CORIN: variants seen among roughly 807,000 people sequenced by gnomAD.
The protein encoded by CORIN is corin, serine peptidase.
Under a neutral mutation model 125.3 loss-of-function variants are expected in CORIN, and 117 were observed. That is an observed-to-expected ratio of 0.93 (90% CI 0.80 to 1.09). CORIN has a LOEUF of 1.09. Among genes scored for constraint, CORIN ranks in the 50% least tolerant of loss-of-function variants. The pLI is 0.00. For missense variants in CORIN, 1,253 were observed against 1,306.7 expected (o/e 0.96, Z 0.63); for synonymous variants, 450 against 466.4 (o/e 0.96, Z 0.45).
chr4:47,767,906 T>C (rs1339383932), intron 3 of CORIN, among the ~76,000 whole-genome samples: 1 of 152,110 alleles, frequency 6.6e-6, no homozygotes, highest in African/African-American at 2.4e-5. Context: ...AGCCCAATAA[T>C]GAGAAAGGAT....
intron 5 of CORIN, among the ~76,000 whole-genome samples, chr4:47,733,514 T>C (rs554775715): frequency 1.6e-4 from 25 of 152,310 alleles, no homozygotes; most frequent in African/African-American, 6.0e-4. Context: ...TAAGGTGCTA[T>C]GAAAAGGAAG....
chr4:47,658,464 CT>C (rs1724094747), intron 12 of CORIN, among the ~76,000 whole-genome samples: 2 of 152,260 alleles, frequency 1.3e-5, no homozygotes, highest in African/African-American at 4.8e-5. Flanking sequence ...CAGAAGCCTA[CT>C]TCCCACAGCT....
At chr4:47,634,113 G>A (rs1436424386) in intron 16 of CORIN, among the ~76,000 whole-genome samples, 1 of 152,220 alleles carries the variant, frequency 6.6e-6, no homozygotes, top group African/African-American at 2.4e-5. Context: ...CTAAAGAGAT[G>A]TGGATGGTCT....
chr4:47,639,253 T>A (rs1723145441), intron 16 of CORIN, among the ~76,000 whole-genome samples: 1 of 152,220 alleles, frequency 6.6e-6, no homozygotes, highest in South Asian at 2.1e-4. Flanking sequence ...GATTAAAGTT[T>A]TATGTTTTTC....
At chr4:47,743,202 A>C (rs906291048) in intron 5 of CORIN, among the ~76,000 whole-genome samples, 5 of 152,018 alleles carry the variant, frequency 3.3e-5, no homozygotes, top group African/African-American at 9.7e-5. Flanking sequence ...ACACAGAAAA[A>C]AAAAACACAA....
At chr4:47,726,603 G>A (rs1404156025) in intron 5 of CORIN, among the ~76,000 whole-genome samples, 2 of 152,026 alleles carry the variant, frequency 1.3e-5, no homozygotes, top group Admixed American at 6.6e-5. Context: ...GAACTGTTCA[G>A]TAATCTAATT....
intron 5 of CORIN, among the ~76,000 whole-genome samples, chr4:47,703,248 C>T (rs560464368): frequency 9.2e-5 from 14 of 152,220 alleles, no homozygotes; most frequent in African/African-American, 2.4e-4. Context: ...ATGCAGCAGC[C>T]GGTAGTGACA....
intron 5 of CORIN, among the ~76,000 whole-genome samples, chr4:47,720,627 T>C (rs1429317355): frequency 2.6e-5 from 4 of 152,240 alleles, no homozygotes; most frequent in Non-Finnish European, 5.9e-5. Flanking sequence ...CCTACACATC[T>C]ACTTCTTGTA....
At chr4:47,716,033 T>C (rs571453299) in intron 5 of CORIN, among the ~76,000 whole-genome samples, 1 of 152,342 alleles carries the variant, frequency 6.6e-6, no homozygotes, top group East Asian at 1.9e-4. Context: ...GCTGTTCAAA[T>C]TGTAATTTGA....
intron 16 of CORIN, among the ~76,000 whole-genome samples, chr4:47,634,286 C>T (rs1040212555): frequency 2.0e-5 from 3 of 152,208 alleles, no homozygotes; most frequent in African/African-American, 7.2e-5. Flanking sequence ...TCTAAACTCA[C>T]AGGCATTCGT....
intron 5 of CORIN, among the ~76,000 whole-genome samples, chr4:47,729,024 C>G (rs975945067): frequency 6.6e-6 from 1 of 152,146 alleles, no homozygotes; most frequent in Non-Finnish European, 1.5e-5. Flanking sequence ...ACAAGAATTA[C>G]GGAGCCCGCA....
intron 5 of CORIN, among the ~76,000 whole-genome samples, chr4:47,701,873 T>A (rs1029482420): frequency 1.3e-5 from 2 of 152,224 alleles, no homozygotes; most frequent in Admixed American, 6.5e-5. Context: ...GCATTTTTTT[T>A]AAATCGTTGG....
intron 4 of CORIN, among the ~76,000 whole-genome samples, chr4:47,750,010 C>A (rs1391151370): frequency 6.6e-6 from 1 of 152,166 alleles, no homozygotes; most frequent in Non-Finnish European, 1.5e-5. Flanking sequence ...CCAGTGCTCC[C>A]AAATATCTTG....
chr4:47,711,539 T>C (rs1726839633), intron 5 of CORIN, among the ~76,000 whole-genome samples: 1 of 152,190 alleles, frequency 6.6e-6, no homozygotes, highest in Non-Finnish European at 1.5e-5. Flanking sequence ...AAGACCATAG[T>C]CTAGGGATTG....
intron 13 of CORIN, among the ~76,000 whole-genome samples, chr4:47,647,586 T>C (rs556873946): frequency 5.3e-4 from 80 of 152,298 alleles, no homozygotes; most frequent in Non-Finnish European, 1.1e-3. Context: ...AGATATTAGC[T>C]TTAATTCTTA....
In CORIN at chr4:47,677,977, C is replaced by G; in HGVS notation, c.1210G>C (p.Asp404His). 2 of 1,614,020 alleles carry G rather than the reference C, an allele frequency of 1.2e-6. No individual in the cohort carries two copies. Among genetic ancestry groups the G allele is most frequent in the Non-Finnish European group, 1.7e-6 (2 of 1,179,940 alleles). Residue 404 changes from aspartate (D) to histidine (H), a missense_variant, in exon 9 of 22, where the codon GAC becomes CAC. Physicochemically the swap from Asp to His is moderately conservative, Grantham distance 81. Coordinates refer to ENST00000273857, the MANE Select transcript of CORIN (RefSeq NM_006587.4). ...TCCTCATCACTCCCATCCTTGCAGT[C>G]CTCGTCACCATCACATTGAAACGTG... ...PSTFQCDGDE[D>H]CKDGSDEENC...
At chr4:47,798,759 G>A (rs1023331501) in intron 2 of CORIN, among the ~76,000 whole-genome samples, 3 of 152,040 alleles carry the variant, frequency 2.0e-5, no homozygotes, top group African/African-American at 7.2e-5. Context: ...TGTATATTAT[G>A]TGATGCTGAG....
intron 2 of CORIN, among the ~76,000 whole-genome samples, chr4:47,803,189 A>G (rs1450696766): frequency 2.0e-5 from 3 of 152,184 alleles, no homozygotes; most frequent in African/African-American, 7.2e-5. Flanking sequence ...CTAAAAACTG[A>G]TGAAAAAAAC....
At chr4:47,632,766 GAGAT>G (rs1348646597) in intron 16 of CORIN, among the ~76,000 whole-genome samples, 49 of 63,404 alleles carry the variant, frequency 7.7e-4, no homozygotes, top group Non-Finnish European at 1.4e-3. Context: ...TAGATAGATA[GAGAT>G]AGATAGTTAG....
Sources: gnomAD v4.1 joint callset for allele counts (sites outside exome capture counted in the v4.1 genomes callset) on GRCh38, gnomAD v4.1.1 for gene constraint, MANE v1.5 for transcripts, NCBI Gene and HGNC (gene_info 2026-07-23, HGNC 2026-07-21) for gene names.